DLG2: variants seen among roughly 807,000 people sequenced by gnomAD.
The protein encoded by DLG2 is discs large MAGUK scaffold protein 2.
DLG2 carries 45 observed loss-of-function variants against 132.5 expected under a neutral mutation model. The ratio of observed to expected loss-of-function variants is 0.34; its 90% CI spans 0.27 to 0.44. The LOEUF is 0.44. Ranked by LOEUF, DLG2 falls within the 20% of genes least tolerant of loss-of-function variation. DLG2 has a pLI of 1.00. For synonymous variants in DLG2, 424 were observed against 419.6 expected (o/e 1.01, Z -0.13); for missense variants, 1,045 against 1,196.9 (o/e 0.87, Z 1.87).
At chr11:83,565,847 A>G (rs1455224822) in intron 19 of DLG2, among the ~76,000 whole-genome samples, 1 of 152,212 alleles carries the variant, frequency 6.6e-6, no homozygotes, top group Non-Finnish European at 1.5e-5. Flanking sequence ...TATTTCAATA[A>G]CTGTACTTAG....
intron 7 of DLG2, among the ~76,000 whole-genome samples, chr11:84,307,399 T>C (rs1219465640): frequency 6.6e-6 from 1 of 152,174 alleles, no homozygotes; most frequent in African/African-American, 2.4e-5. Flanking sequence ...TTGAATATTA[T>C]ATTACTGTGT....
At chr11:85,235,593 G>T (rs1038295692) in intron 4 of DLG2, among the ~76,000 whole-genome samples, 3 of 151,864 alleles carry the variant, frequency 2.0e-5, no homozygotes, top group Non-Finnish European at 2.9e-5. Flanking sequence ...GGAACAGAAA[G>T]AATTACATGT....
chr11:84,037,120 T>C (rs1480371108), intron 11 of DLG2, among the ~76,000 whole-genome samples: 3 of 152,108 alleles, frequency 2.0e-5, no homozygotes, highest in Non-Finnish European at 4.4e-5. Context: ...ATGTAACAGG[T>C]AATATACCTA....
chr11:85,507,329 G>T lies in DLG2; in HGVS notation c.40+91328C>A, dbSNP rs992973385. Among the ~76,000 whole-genome samples, 7 of 152,180 alleles carry T rather than the reference G, an allele frequency of 4.6e-5. No individual in the cohort carries two copies. In the South Asian group the frequency reaches 1.4e-3, roughly 31 times the overall value. Reference sequence around the variant, plus strand: ...ATCAGTGGTCCTTACAATTTGGCATGTTTTTGCAGTGGCTGGTACCAGTTG... The same window carrying T: ...ATCAGTGGTCCTTACAATTTGGCATTTTTTTGCAGTGGCTGGTACCAGTTG... On this transcript the variant is annotated intron_variant, in intron 3 of 27. Coordinates refer to ENST00000376104, the MANE Select transcript of DLG2 (RefSeq NM_001142699.3).
chr11:85,008,624 A>G (rs1037090235), intron 6 of DLG2, among the ~76,000 whole-genome samples: 4 of 152,130 alleles, frequency 2.6e-5, no homozygotes, highest in Non-Finnish European at 5.9e-5. Flanking sequence ...TAAATGAATG[A>G]AACTATGGAC....
chr11:84,167,807 C>G (rs1431962987), intron 8 of DLG2, among the ~76,000 whole-genome samples: 1 of 152,072 alleles, frequency 6.6e-6, no homozygotes, highest in African/African-American at 2.4e-5. Context: ...GCTGAGATTA[C>G]AGGCATGCAC....
chr11:83,539,673 A>G lies in DLG2; in HGVS notation c.2117+2009T>C, dbSNP rs914782671. 3.0e-4 allele frequency among the ~76,000 whole-genome samples: 46 copies of G among 151,552 alleles called. 1 individual carries two copies. Among genetic ancestry groups the G allele is most frequent in the African/African-American group, 9.7e-4 (40 of 41,392 alleles). ...GTATATAATATATATTATATATATGAGGTGGAGCTACTGCACCCTTCATAA... is the reference window on the plus strand; with the variant it reads ...GTATATAATATATATTATATATATGGGGTGGAGCTACTGCACCCTTCATAA... On this transcript the variant is annotated intron_variant, in intron 20 of 27. Transcript: ENST00000376104.
At chr11:83,822,766 A>G (rs2051201378) in intron 17 of DLG2, among the ~76,000 whole-genome samples, 1 of 152,146 alleles carries the variant, frequency 6.6e-6, no homozygotes, top group Non-Finnish European at 1.5e-5. Flanking sequence ...TATTTCTCCA[A>G]TAAATTCTTT....
Position 83,965,441 on chromosome 11 carries a change from T to C in DLG2, c.1084A>G (p.Thr362Ala). 1.2e-6 allele frequency: 2 copies of C among 1,610,956 alleles called. No homozygotes were observed. The highest frequency in any genetic ancestry group is 1.3e-5 in the African/African-American group (1 of 74,818). Residue 362 changes from threonine to alanine, a missense_variant, in exon 13 of 28, where the codon ACA becomes GCA. By Grantham distance (58) the Thr-to-Ala change is moderately conservative (BLOSUM62 0). Transcript: ENST00000376104. ...AATATTGCTACTGCCTCTTCGTGTG[T>C]TACTTCTTCTAAACTGTAGTTGTTT... ...MVNNYSLEEV[T>A]HEEAVAILKN...
chr11:85,417,781 A>G (rs570482958), intron 3 of DLG2, among the ~76,000 whole-genome samples: 1 of 152,250 alleles, frequency 6.6e-6, no homozygotes, highest in South Asian at 2.1e-4. Context: ...CTGTGGCTTC[A>G]GTGGTGATAT....
Position 85,615,388 on chromosome 11 carries a change from G to A in DLG2, c.-93+11199C>T, listed in dbSNP as rs181090167. On this transcript the variant is annotated intron_variant, in intron 2 of 27. Coordinates refer to ENST00000376104, the MANE Select transcript of DLG2 (RefSeq NM_001142699.3). Reference sequence around the variant, plus strand: ...CAAAAATTAGCTGGGCATGTGGTGGGTGCCTGTAATCCCAGCTACTCAGGA... The same window carrying A: ...CAAAAATTAGCTGGGCATGTGGTGGATGCCTGTAATCCCAGCTACTCAGGA... 1.5e-3 allele frequency among the ~76,000 whole-genome samples: 231 copies of A among 151,904 alleles called. 1 individual carries two copies. Among genetic ancestry groups the A allele is most frequent in the Admixed American group, 4.7e-3 (71 of 15,238 alleles).
chr11:84,201,097 C>T (rs1484481850), intron 8 of DLG2, among the ~76,000 whole-genome samples: 2 of 151,996 alleles, frequency 1.3e-5, no homozygotes, highest in African/African-American at 4.8e-5. Flanking sequence ...ACATATGGCT[C>T]TTATTATTTT....
intron 19 of DLG2, among the ~76,000 whole-genome samples, chr11:83,599,812 G>A (rs2058233233): frequency 6.6e-6 from 1 of 152,190 alleles, no homozygotes. Context: ...AACCTACAGT[G>A]AGTTGAAAAG....
At chr11:84,535,949 A>G (rs868728355) in intron 6 of DLG2, among the ~76,000 whole-genome samples, 4 of 151,494 alleles carry the variant, frequency 2.6e-5, no homozygotes, top group African/African-American at 9.7e-5. Context: ...TAATTTTTTC[A>G]TATACATATA....
At chr11:83,669,007 T>C (rs953009323) in intron 18 of DLG2, among the ~76,000 whole-genome samples, 4 of 152,038 alleles carry the variant, frequency 2.6e-5, no homozygotes, top group African/African-American at 9.7e-5. Context: ...AGCAAAAATT[T>C]CTTCTTTATT....
At chr11:83,600,236 G>GGTGTGTGTGTGTGTGTGTGTGTGTGTGT (rs57674131) in intron 19 of DLG2, among the ~76,000 whole-genome samples, 1 of 145,624 alleles carries the variant, frequency 6.9e-6, no homozygotes, top group Non-Finnish European at 1.5e-5. Flanking sequence ...CTAGCTATAG[G>GGTGTGTGTGTGTGTGTGTGTGTGTGTGT]GTGTGTGTGT....
At chr11:84,937,278 A>T (rs1423196156) in intron 6 of DLG2, among the ~76,000 whole-genome samples, 1 of 152,062 alleles carries the variant, frequency 6.6e-6, no homozygotes, top group African/African-American at 2.4e-5. Flanking sequence ...GCATTAATTT[A>T]TGAAATCTGT....
At chr11:83,931,880 T>C (rs1382866478) in intron 14 of DLG2, among the ~76,000 whole-genome samples, 1 of 152,226 alleles carries the variant, frequency 6.6e-6, no homozygotes, top group Non-Finnish European at 1.5e-5. Context: ...TTTGCTAAGC[T>C]TAATTCTTCA....
chr11:84,349,300 G>A (rs1405573384), intron 7 of DLG2, among the ~76,000 whole-genome samples: 1 of 152,270 alleles, frequency 6.6e-6, no homozygotes, highest in East Asian at 1.9e-4. Context: ...GTCTAAAGCA[G>A]GATGTACTAT....
Sources: allele counts gnomAD v4.1 joint callset (sites outside exome capture counted in the v4.1 genomes callset), GRCh38; gene constraint gnomAD v4.1.1; transcripts MANE v1.5; gene names NCBI Gene and HGNC (gene_info 2026-07-23, HGNC 2026-07-21).